Variants in CA8 observed in about 807,000 individuals in gnomAD.
The protein encoded by CA8 is carbonic anhydrase 8 (inactive).
CA8 carries 22 observed loss-of-function variants against 41.4 expected under a neutral mutation model. The observed-to-expected ratio is 0.53, with a 90% CI of 0.38 to 0.76. CA8 has a LOEUF of 0.76. CA8 is among the 30% of genes least tolerant of loss of function. CA8 has a pLI of 0.00. For missense variants in CA8, 270 were observed against 352.8 expected (o/e 0.77, Z 1.88); for synonymous variants, 121 against 130.6 (o/e 0.93, Z 0.50).
In CA8 at chr8:60,281,390, G is replaced by C. The variant is rs1585948354; in HGVS notation, c.-243C>G. 5 of 538,704 alleles carry C rather than the reference G, an allele frequency of 9.3e-6. No individual in the cohort carries two copies. The East Asian group carries it at 1.7e-4, about 18-fold the overall frequency. 33.4% of individuals were successfully genotyped at this position (538,704 alleles called of 1,614,324 possible). On this transcript the variant is annotated 5_prime_UTR_variant, in exon 1 of 9. Coordinates refer to ENST00000317995, the MANE Select transcript of CA8 (RefSeq NM_004056.6). ...GGAGGCCCCAGCAGAGCGAGGGAGC[G>C]GCTGTGGCCTGGGGAGCGAGCGCCT...
intron 3 of CA8, among the ~76,000 whole-genome samples, chr8:60,247,460 G>A (rs749688805): frequency 6.6e-6 from 1 of 152,052 alleles, no homozygotes; most frequent in Non-Finnish European, 1.5e-5. Context: ...CTGTATCCAC[G>A]TGTTCTCATC....
intron 3 of CA8, among the ~76,000 whole-genome samples, chr8:60,258,511 A>C (rs977928188): frequency 6.6e-6 from 1 of 152,206 alleles, no homozygotes; most frequent in Non-Finnish European, 1.5e-5. Flanking sequence ...GTTTCATGGA[A>C]GACAATTTTT....
chr8:60,252,947 T>A (rs545165658), intron 3 of CA8, among the ~76,000 whole-genome samples: 1 of 152,118 alleles, frequency 6.6e-6, no homozygotes, highest in South Asian at 2.1e-4. Flanking sequence ...AAAAGCAACA[T>A]GGCTCAGGGT....
chr8:60,226,230 C>G (rs951106531), intron 5 of CA8, among the ~76,000 whole-genome samples: 3 of 152,104 alleles, frequency 2.0e-5, no homozygotes, highest in African/African-American at 7.2e-5. Flanking sequence ...CCTGCACATC[C>G]CATATAAAGG....
intron 3 of CA8, among the ~76,000 whole-genome samples, chr8:60,244,151 C>A (rs1401577430): frequency 6.6e-6 from 1 of 152,208 alleles, no homozygotes; most frequent in East Asian, 1.9e-4. Context: ...TCTTCCCTTA[C>A]AAACAACGAA....
rs1338512580 is a variant in CA8, at chr8:60,272,938, C to T, written c.292+6751G>A. 5.3e-5 allele frequency among the ~76,000 whole-genome samples: 8 copies of T among 152,216 alleles called. No individual in the cohort carries two copies. The East Asian group carries it at 1.5e-3, about 29-fold the overall frequency. On this transcript the variant is annotated intron_variant, in intron 2 of 8. Coordinates refer to ENST00000317995, the MANE Select transcript of CA8 (RefSeq NM_004056.6). ...CACATTAAACATCTGGCAAAGTAGG[C>T]CTGCTCTCTGCAGCTTGCCAGTTCC...
rs1256384518 is a variant in CA8, at chr8:60,187,509, T to C, written c.*2512A>G. ...AAGATTTGAGCAGAGTTTGATGACA[T>C]AGAGAATACAAACACAATAGAGAAA... On this transcript the variant is annotated 3_prime_UTR_variant, in exon 9 of 9. Transcript: ENST00000317995. The C allele has an allele frequency of 1.3e-5, 2 of 152,072 alleles. No homozygotes were observed. Among genetic ancestry groups the C allele is most frequent in the Non-Finnish European group, 1.5e-5 (1 of 67,966 alleles). 9.4% of individuals were successfully genotyped at this position (152,072 alleles called of 1,614,324 possible).
At chr8:60,199,623 A>G (rs1013423427) in intron 8 of CA8, among the ~76,000 whole-genome samples, 1 of 152,176 alleles carries the variant, frequency 6.6e-6, no homozygotes. Context: ...ACCTGGTGCT[A>G]CCTGGTGGCA....
At chr8:60,278,261 T>G (rs1028829655) in intron 2 of CA8, among the ~76,000 whole-genome samples, 1 of 152,228 alleles carries the variant, frequency 6.6e-6, no homozygotes, top group Non-Finnish European at 1.5e-5. Context: ...CCACAACCCT[T>G]TGTAACACTT....
At chr8:60,212,539 A>G (rs1373538769) in intron 7 of CA8, among the ~76,000 whole-genome samples, 1 of 152,230 alleles carries the variant, frequency 6.6e-6, no homozygotes, top group East Asian at 1.9e-4. Flanking sequence ...AATCAACAAG[A>G]CATGGAAACA....
At chr8:60,232,585 T>C in intron 3 of CA8, 1 of 621,960 alleles carries the variant, frequency 1.6e-6, no homozygotes, top group Admixed American at 2.3e-5. Flanking sequence ...GCTTAGTGGA[T>C]CACTGCCTCT....
chr8:60,258,532 G>A (rs957834437), intron 3 of CA8, among the ~76,000 whole-genome samples: 2 of 152,038 alleles, frequency 1.3e-5, no homozygotes, highest in Admixed American at 6.5e-5. Context: ...CCACAGACAG[G>A]GGGCAGGGGA....
At chr8:60,281,001 C>G in intron 1 of CA8, 47 bp downstream of exon 1, 1 of 1,435,340 alleles carries the variant, frequency 7.0e-7, no homozygotes, top group Non-Finnish European at 9.8e-7. Flanking sequence ...CGGCGAGACA[C>G]TGACGCCGCC....
intron 7 of CA8, among the ~76,000 whole-genome samples, chr8:60,217,684 TC>T (rs1180362162): frequency 6.6e-6 from 1 of 152,174 alleles, no homozygotes; most frequent in African/African-American, 2.4e-5. Flanking sequence ...CTGCTCTTCC[TC>T]CTTGATTCCC....
At chr8:60,199,074 G>GA (rs569265147) in intron 8 of CA8, among the ~76,000 whole-genome samples, 16 of 136,508 alleles carry the variant, frequency 1.2e-4, no homozygotes, top group Admixed American at 3.6e-4. Flanking sequence ...CTAACAAAAG[G>GA]AAAAAAAAAT....
rs372285134 is a variant in CA8, at chr8:60,201,435, G to A, written c.*35+7315C>T. ...TAAGTAGCCTCCTAAAAGAACATTC[G>A]TGTAGCATGCAGAGGATGAAAGGTG... On this transcript the variant is annotated intron_variant, in intron 8 of 8. Transcript: ENST00000317995. Among the ~76,000 whole-genome samples, 5 of 152,128 alleles carry A rather than the reference G, an allele frequency of 3.3e-5. No homozygotes were observed. The East Asian group carries it at 7.7e-4, about 23-fold the overall frequency.
intron 8 of CA8, among the ~76,000 whole-genome samples, chr8:60,207,012 A>G (rs942657126): frequency 6.6e-6 from 1 of 150,564 alleles, no homozygotes; most frequent in African/African-American, 2.4e-5. Context: ...ACCCCAGCCC[A>G]CCAAGGTGGC....
chr8:60,241,877 T>G (rs150124469), intron 3 of CA8, among the ~76,000 whole-genome samples: 1,703 of 152,318 alleles, frequency 0.011, 13 homozygotes, highest in Middle Eastern at 0.041. Flanking sequence ...AGAATGTAAG[T>G]CATTTATAGA....
intron 2 of CA8, among the ~76,000 whole-genome samples, chr8:60,271,512 T>A (rs1804072408): frequency 6.6e-6 from 1 of 152,204 alleles, no homozygotes; most frequent in Non-Finnish European, 1.5e-5. Context: ...TGTTAAAAAG[T>A]TGCCATGTTT....
Sources: allele counts gnomAD v4.1 joint callset (sites outside exome capture counted in the v4.1 genomes callset), GRCh38; gene constraint gnomAD v4.1.1; transcripts MANE v1.5; gene names NCBI Gene and HGNC (gene_info 2026-07-23, HGNC 2026-07-21).